Variants in SCEL observed in about 807,000 individuals in gnomAD.
SCEL encodes the protein sciellin.
Under a neutral mutation model 117.6 loss-of-function variants are expected in SCEL, and 113 were observed. The ratio of observed to expected loss-of-function variants is 0.96; its 90% CI spans 0.83 to 1.12. The LOEUF (loss-of-function observed/expected upper bound fraction) is 1.12. SCEL is among the 50% of genes most tolerant of loss of function. SCEL has a pLI of 0.00. For missense variants in SCEL, 785 were observed against 810.8 expected (o/e 0.97, Z 0.39); for synonymous variants, 270 against 256.2 (o/e 1.05, Z -0.51).
chr13:77,580,107 A>G (rs772750594), intron 9 of SCEL, among the ~76,000 whole-genome samples: 35 of 152,218 alleles, frequency 2.3e-4, no homozygotes, highest in Non-Finnish European at 4.6e-4. Flanking sequence ...GAACCCTTTT[A>G]GAATATCATG....
intron 27 of SCEL, among the ~76,000 whole-genome samples, chr13:77,626,641 C>T (rs192249323): frequency 7.6e-4 from 115 of 152,192 alleles, no homozygotes; most frequent in Admixed American, 1.3e-3. Flanking sequence ...TGGTGGTTCC[C>T]CCTGGCAGCC....
chr13:77,579,732 G>A (rs868167983), intron 9 of SCEL, among the ~76,000 whole-genome samples: 2 of 152,190 alleles, frequency 1.3e-5, no homozygotes, highest in South Asian at 2.1e-4. Flanking sequence ...GGCAGTAGAC[G>A]TTGTATCTGG....
chr13:77,558,819 CAAAAAAAAAAA>C (rs58052726), intron 3 of SCEL, among the ~76,000 whole-genome samples: 1 of 89,740 alleles, frequency 1.1e-5, no homozygotes, highest in African/African-American at 4.8e-5. Context: ...CTCTGTCTTA[CAAAAAAAAAAA>C]AAAAAAAAAA....
At chr13:77,613,361 G>T (rs553003439) in intron 23 of SCEL, among the ~76,000 whole-genome samples, 4 of 152,232 alleles carry the variant, frequency 2.6e-5, no homozygotes, top group Admixed American at 2.0e-4. Context: ...TACTTGATTA[G>T]AATATTTTTT....
intron 9 of SCEL, among the ~76,000 whole-genome samples, chr13:77,574,773 A>T (rs950935265): frequency 1.8e-4 from 27 of 152,342 alleles, no homozygotes; most frequent in African/African-American, 6.3e-4. Flanking sequence ...ACAGATAAAA[A>T]TGGGGGACTA....
At position 77,565,562 on chromosome 13, in the gene SCEL, TC is replaced by T. The variant is rs2085242419; in HGVS notation, c.290+1665del. ...ACAGGGGTTAGTAAAGAAAGGCAAG[TC>T]CTGTTAGCAGGAGCTGAACTTCTGT... On this transcript the variant is annotated intron_variant, in intron 5 of 32. Coordinates refer to ENST00000349847, the MANE Select transcript of SCEL (RefSeq NM_144777.3). 7.9e-5 allele frequency among the ~76,000 whole-genome samples: 12 copies of T among 152,324 alleles called. No homozygotes were observed. In the South Asian group the frequency reaches 2.5e-3, roughly 32 times the overall value.
chr13:77,582,920 C>T (rs74348518), intron 9 of SCEL, among the ~76,000 whole-genome samples: 3,747 of 152,156 alleles, frequency 0.025, 155 homozygotes, highest in East Asian at 0.13. Flanking sequence ...TTTTAGTTCA[C>T]TTGATAATAG....
intron 23 of SCEL, among the ~76,000 whole-genome samples, chr13:77,613,366 T>A (rs1351185423): frequency 6.6e-6 from 1 of 152,216 alleles, no homozygotes; most frequent in Non-Finnish European, 1.5e-5. Flanking sequence ...GATTAGAATA[T>A]TTTTTGCATG....
intron 3 of SCEL, among the ~76,000 whole-genome samples, chr13:77,557,879 C>G (rs2084750685): frequency 2.0e-5 from 3 of 152,162 alleles, no homozygotes; most frequent in Admixed American, 1.3e-4. Context: ...ACAAACTCTG[C>G]AGATATGGTT....
chr13:77,557,299 C>T (rs1472415924), intron 3 of SCEL, among the ~76,000 whole-genome samples: 1 of 152,190 alleles, frequency 6.6e-6, no homozygotes, highest in African/African-American at 2.4e-5. Context: ...GATTTGAAAA[C>T]TATGGCCATA....
At position 77,598,569 on chromosome 13, in the gene SCEL, T is replaced by C. The variant is rs181576808; in HGVS notation, c.798-760T>C. ...GGCCAAAAGGAGAGCAAATGCCCTG[T>C]CTGAGCACACAGCTGCTTCTCAGCT... On this transcript the variant is annotated intron_variant, in intron 13 of 32. Coordinates refer to ENST00000349847, the MANE Select transcript of SCEL (RefSeq NM_144777.3). 1.8e-4 allele frequency among the ~76,000 whole-genome samples: 28 copies of C among 152,336 alleles called. 1 individual carries two copies. The East Asian group carries it at 5.4e-3, about 29-fold the overall frequency.
intron 10 of SCEL, among the ~76,000 whole-genome samples, chr13:77,589,647 A>G (rs2086760568): frequency 1.3e-5 from 2 of 152,194 alleles, no homozygotes; most frequent in Admixed American, 1.3e-4. Context: ...ACAGATTCTG[A>G]TGAACGATGT....
At chr13:77,566,474 T>C (rs750101444) in intron 5 of SCEL, among the ~76,000 whole-genome samples, 1 of 151,982 alleles carries the variant, frequency 6.6e-6, no homozygotes, top group Non-Finnish European at 1.5e-5. Context: ...TAACCTTCCT[T>C]ATTTGTGCTT....
Position 77,613,875 on chromosome 13 carries a change from C to A in SCEL, c.1389-18C>A. 1 of 1,609,510 alleles carries A rather than the reference C, an allele frequency of 6.2e-7. No individual in the cohort carries two copies. The highest frequency in any genetic ancestry group is 1.3e-5 in the African/African-American group (1 of 74,856). On this transcript the variant is annotated intron_variant, in intron 23 of 32. Transcript: ENST00000349847. ...ATGCCAGTATGAAATTTGCCGATTT[C>A]CTCTAATTTTGTTTTAGCAGTGAAC...
chr13:77,637,198 A>T lies in SCEL; in HGVS notation c.1838+4A>T. ...CTGTTTATTCAACTTCTGATAGGTG[A>T]GTATGTCTTTATTTCCATACATAAA... On this transcript the variant is annotated splice_donor_region_variant and intron_variant, in intron 30 of 32. Transcript: ENST00000349847. 6.7e-7 allele frequency: 1 copy of T among 1,486,804 alleles called. No homozygotes were observed. The highest frequency in any genetic ancestry group is 9.1e-7 in the Non-Finnish European group (1 of 1,095,570). 92.1% of individuals were successfully genotyped at this position (1,486,804 alleles called of 1,614,324 possible).
At chr13:77,620,216 A>T (rs531282097) in intron 27 of SCEL, among the ~76,000 whole-genome samples, 1 of 152,222 alleles carries the variant, frequency 6.6e-6, no homozygotes, top group African/African-American at 2.4e-5. Flanking sequence ...GCAGACAAAC[A>T]GGAAAGACTG....
chr13:77,589,110 A>G (rs754778708), intron 9 of SCEL, 34 bp from the exon 10 acceptor site: 10 of 1,483,912 alleles, frequency 6.7e-6, no homozygotes, highest in East Asian at 2.3e-5. Flanking sequence ...CCATGTTTCC[A>G]TGGTGAAATG....
chr13:77,586,467 C>T (rs899743868), intron 9 of SCEL, among the ~76,000 whole-genome samples: 1 of 152,118 alleles, frequency 6.6e-6, no homozygotes, highest in Non-Finnish European at 1.5e-5. Context: ...GTCCCCACTA[C>T]TCATATTCTC....
chr13:77,612,488 A>T (rs866621374), intron 22 of SCEL, among the ~76,000 whole-genome samples: 14 of 69,446 alleles, frequency 2.0e-4, no homozygotes, highest in Middle Eastern at 7.1e-3. Flanking sequence ...TTTTTTTTAC[A>T]AATTATCTCA....
Sources: gnomAD v4.1 joint callset for allele counts (sites outside exome capture counted in the v4.1 genomes callset) on GRCh38, gnomAD v4.1.1 for gene constraint, MANE v1.5 for transcripts, NCBI Gene and HGNC (gene_info 2026-07-23, HGNC 2026-07-21) for gene names.